Variants in PLAAT4 observed in about 807,000 individuals in gnomAD.
PLAAT4 encodes the protein HRAS-like suppressor 4.
A neutral mutation model predicts 14.1 loss-of-function variants in PLAAT4; 12 were observed. The observed-to-expected ratio is 0.85, with a 90% CI of 0.54 to 1.37. The LOEUF (loss-of-function observed/expected upper bound fraction) is 1.37, where lower values mean the gene tolerates loss of function less well. PLAAT4 is among the 40% of genes most tolerant of loss of function. PLAAT4 has a pLI of 0.00. For missense variants in PLAAT4, 163 were observed against 211.7 expected (o/e 0.77, Z 1.43); for synonymous variants, 77 against 79.8 (o/e 0.96, Z 0.19).
At chr11:63,546,003 A>C in intron 3 of PLAAT4, 146 bp from the exon 4 acceptor site, 1 of 712,540 alleles carries the variant, frequency 1.4e-6, no homozygotes, top group Non-Finnish European at 2.5e-6. Context: ...ATTCTGAGCC[A>C]GCCAGCTGGG....
At chr11:63,540,825 C>T (rs2017315809) in intron 2 of PLAAT4, among the ~76,000 whole-genome samples, 1 of 152,136 alleles carries the variant, frequency 6.6e-6, no homozygotes, top group African/African-American at 2.4e-5. Flanking sequence ...CAGAGGAAGA[C>T]ATTGTCTCAA....
rs753285260 is a variant in PLAAT4 at position 63,544,905 on chromosome 11, G to T, written c.387+16G>T. 5 of 1,614,208 alleles carry T rather than the reference G, an allele frequency of 3.1e-6. No homozygotes were observed. Among genetic ancestry groups the T allele is most frequent in the Non-Finnish European group, 4.2e-6 (5 of 1,180,034 alleles). On this transcript the variant is annotated intron_variant, in intron 3 of 3. Coordinates refer to ENST00000255688, the MANE Select transcript of PLAAT4 (RefSeq NM_004585.5). Reference sequence around the variant, plus strand: ...CTGTAAACAGGTAAGGACCTCTCTGGATAATCCATCTCCCTCTGCTTGGGG... The same window carrying T: ...CTGTAAACAGGTAAGGACCTCTCTGTATAATCCATCTCCCTCTGCTTGGGG...
At chr11:63,545,479 G>A (rs2017357271) in intron 3 of PLAAT4, 1 of 167,674 alleles carries the variant, frequency 6.0e-6, no homozygotes, top group South Asian at 1.6e-4. Flanking sequence ...AATGGTTGGG[G>A]GCCCTTGATG....
chr11:63,542,402 C>T (rs1445134917), intron 2 of PLAAT4, among the ~76,000 whole-genome samples: 1 of 152,198 alleles, frequency 6.6e-6, no homozygotes, highest in Non-Finnish European at 1.5e-5. Context: ...ATCCAATTCC[C>T]TGCTTCCACA....
intron 3 of PLAAT4, 63 bp from the exon 4 acceptor site, chr11:63,546,086 G>A: frequency 7.4e-7 from 1 of 1,353,632 alleles, no homozygotes; most frequent in Non-Finnish European, 1.1e-6. Context: ...CCAGGCCCTT[G>A]GGAGGGAGAA....
chr11:63,543,465 G>A (rs944174615), intron 2 of PLAAT4, among the ~76,000 whole-genome samples: 37 of 152,192 alleles, frequency 2.4e-4, no homozygotes, highest in African/African-American at 8.0e-4. Context: ...GCCACCACGC[G>A]CAGCTAATTT....
In PLAAT4 at chr11:63,542,376, A is replaced by C. The variant is rs576472072; in HGVS notation, c.119-2245A>C. 1.3e-4 allele frequency among the ~76,000 whole-genome samples: 20 copies of C among 152,306 alleles called. No individual in the cohort carries two copies. In the East Asian group the frequency reaches 3.7e-3, roughly 28 times the overall value. Reference sequence around the variant, plus strand: ...CCTCAGGATTTGCCTTTATTTTACAACTATGAAAGTCTTCAATCCAATTCC... The same window carrying C: ...CCTCAGGATTTGCCTTTATTTTACACCTATGAAAGTCTTCAATCCAATTCC... On this transcript the variant is annotated intron_variant, in intron 2 of 3. Transcript: ENST00000255688.
In PLAAT4 at chr11:63,544,796, G is replaced by A; in HGVS notation, c.294G>A (p.Glu98=). ...PVEVIISSAK[E]MVGQKMKYSI... Reference sequence around the variant, plus strand: ...AGGTGATCATCAGTTCTGCGAAGGAGATGGTTGGTCAGAAGATGAAGTACA... The same window carrying A: ...AGGTGATCATCAGTTCTGCGAAGGAAATGGTTGGTCAGAAGATGAAGTACA... The change falls in exon 3 of 4, where the codon GAG becomes GAA. Residue 98 remains glutamate, a synonymous_variant. Transcript: ENST00000255688. 6.2e-7 allele frequency: 1 copy of A among 1,614,214 alleles called. No individual in the cohort carries two copies. Among genetic ancestry groups the A allele is most frequent in the Non-Finnish European group, 8.5e-7 (1 of 1,180,044 alleles).
At chr11:63,542,418 G>GA (rs2017328664) in intron 2 of PLAAT4, among the ~76,000 whole-genome samples, 1 of 152,124 alleles carries the variant, frequency 6.6e-6, no homozygotes, top group Admixed American at 6.5e-5. Context: ...CCACACATAG[G>GA]ACACAGAAAG....
chr11:63,541,423 C>T (rs1174416876), intron 2 of PLAAT4, among the ~76,000 whole-genome samples: 1 of 152,028 alleles, frequency 6.6e-6, no homozygotes, highest in Non-Finnish European at 1.5e-5. Context: ...ATCTCCTGAC[C>T]TCGTGATCCA....
At chr11:63,543,356 A>G (rs1303026051) in intron 2 of PLAAT4, among the ~76,000 whole-genome samples, 1 of 152,250 alleles carries the variant, frequency 6.6e-6, no homozygotes, top group African/African-American at 2.4e-5. Context: ...TGCACATGCA[A>G]GGGATCAGGC....
At chr11:63,538,431 T>C (rs1365901065) in intron 1 of PLAAT4, 1 of 357,482 alleles carries the variant, frequency 2.8e-6, no homozygotes, top group Non-Finnish European at 5.6e-6. Flanking sequence ...GGATGGGATA[T>C]TGACAAGCAC....
intron 2 of PLAAT4, 104 bp from the exon 3 acceptor site, chr11:63,544,517 C>T: frequency 7.4e-7 from 1 of 1,349,630 alleles, no homozygotes; most frequent in Non-Finnish European, 1.0e-6. Context: ...ATCCTTCAAT[C>T]ACATTTGTGA....
At chr11:63,538,001 G>C (rs1227127726) in intron 1 of PLAAT4, among the ~76,000 whole-genome samples, 5 of 152,224 alleles carry the variant, frequency 3.3e-5, no homozygotes, top group Admixed American at 6.5e-5. Flanking sequence ...TGGCGGGTCA[G>C]CTGAGCCAGG....
chr11:63,539,710 C>T, intron 2 of PLAAT4, 86 bp downstream of exon 2: 1 of 1,063,360 alleles, frequency 9.4e-7, no homozygotes. Flanking sequence ...GCCTGTAATC[C>T]CAGCACTTTG....
In PLAAT4 at chr11:63,546,209, G is replaced by A; in HGVS notation, c.448G>A (p.Gly150Arg). 6.2e-7 allele frequency: 1 copy of A among 1,614,104 alleles called. No homozygotes were observed. Among genetic ancestry groups the A allele is most frequent in the Non-Finnish European group, 8.5e-7 (1 of 1,180,016 alleles). The change falls in exon 4 of 4, where the codon GGA becomes AGA. Residue 150 changes from glycine to arginine, a missense_variant. Coordinates refer to ENST00000255688, the MANE Select transcript of PLAAT4 (RefSeq NM_004585.5). ...ATALGILVVA[G>R]CSFAIRRYQK... ...GGCGCTTGGAATCCTGGTTGTTGCTGGATGCTCTTTTGCGATTAGGAGATA... is the reference window on the plus strand; with the variant it reads ...GGCGCTTGGAATCCTGGTTGTTGCTAGATGCTCTTTTGCGATTAGGAGATA...
intron 3 of PLAAT4, 164 bp downstream of exon 3, chr11:63,545,053 C>A: frequency 3.1e-6 from 3 of 979,340 alleles, no homozygotes; most frequent in Non-Finnish European, 4.7e-6. Flanking sequence ...TTCTAATCCA[C>A]AGAGGGTCTT....
At chr11:63,539,393 C>T in intron 1 of PLAAT4, 123 bp from the exon 2 acceptor site, 1 of 780,244 alleles carries the variant, frequency 1.3e-6, no homozygotes, top group Admixed American at 2.0e-5. Flanking sequence ...CTGAGGATCT[C>T]ATGGGGCTAG....
rs760725357 is a variant in PLAAT4 at position 63,544,738 on chromosome 11, G to T, written c.236G>T (p.Ser79Ile). 1.9e-6 allele frequency: 3 copies of T among 1,614,228 alleles called. No individual in the cohort carries two copies. In the South Asian group the frequency reaches 3.3e-5, roughly 18 times the overall value. ...VGGCCYRVNN[S>I]LDHEYQPRPV... ...GGCTGTTGCTATCGGGTCAACAACA[G>T]CTTGGACCATGAGTACCAACCACGG... Residue 79 changes from serine to isoleucine, a missense_variant, in exon 3 of 4, where the codon AGC (serine) becomes ATC (isoleucine). Ser to Ile is a moderately radical substitution (Grantham distance 142). Coordinates refer to ENST00000255688, the MANE Select transcript of PLAAT4 (RefSeq NM_004585.5).
Sources: allele counts gnomAD v4.1 joint callset (sites outside exome capture counted in the v4.1 genomes callset), GRCh38; gene constraint gnomAD v4.1.1; transcripts MANE v1.5; gene names NCBI Gene and HGNC (gene_info 2026-07-23, HGNC 2026-07-21).